STK39: variants seen among roughly 807,000 people sequenced by gnomAD.
STK39 encodes serine/threonine kinase 39.
Under a neutral mutation model 77.8 loss-of-function variants are expected in STK39, and 20 were observed. The ratio of observed to expected loss-of-function variants is 0.26; its 90% CI spans 0.18 to 0.37. The LOEUF (loss-of-function observed/expected upper bound fraction) is 0.37. STK39 is among the 10% of genes least tolerant of loss of function. The pLI is 1.00. For missense variants in STK39, 479 were observed against 656.5 expected, an observed-to-expected ratio of 0.73 and a Z score of 2.95; for synonymous variants, 246 against 234.1, an observed-to-expected ratio of 1.05 and a Z score of -0.47.
At chr2:168,164,613 C>T (rs898441360) in intron 3 of STK39, among the ~76,000 whole-genome samples, 3 of 151,758 alleles carry the variant, frequency 2.0e-5, no homozygotes, top group African/African-American at 7.3e-5. Context: ...TACCACGTTG[C>T]CCATGCCGGT....
At chr2:168,027,294 T>TC (rs1475028968) in intron 14 of STK39, among the ~76,000 whole-genome samples, 1 of 152,080 alleles carries the variant, frequency 6.6e-6, no homozygotes, top group Non-Finnish European at 1.5e-5. Flanking sequence ...CCACATACTT[T>TC]CCCCTCCCCT....
At chr2:168,025,436 C>T (rs970740044) in intron 14 of STK39, among the ~76,000 whole-genome samples, 4 of 152,156 alleles carry the variant, frequency 2.6e-5, no homozygotes, top group Non-Finnish European at 5.9e-5. Context: ...TAAGAGTTCT[C>T]GTATCATCCG....
At chr2:168,169,658 G>GTGTA (rs1424133272) in intron 2 of STK39, among the ~76,000 whole-genome samples, 5 of 151,596 alleles carry the variant, frequency 3.3e-5, no homozygotes, top group Non-Finnish European at 7.4e-5. Context: ...GTGTGTGTGT[G>GTGTA]TGTAACTCCT....
At chr2:168,083,717 G>A (rs1686298486) in intron 10 of STK39, among the ~76,000 whole-genome samples, 1 of 151,974 alleles carries the variant, frequency 6.6e-6, no homozygotes, top group African/African-American at 2.4e-5. Context: ...CAAGATACTG[G>A]GATCTAGGGG....
At chr2:168,078,788 C>G (rs1179375882) in intron 10 of STK39, among the ~76,000 whole-genome samples, 3 of 151,944 alleles carry the variant, frequency 2.0e-5, no homozygotes, top group Non-Finnish European at 4.4e-5. Flanking sequence ...TCTCCCACTG[C>G]CACATTAACT....
intron 16 of STK39, among the ~76,000 whole-genome samples, chr2:167,997,811 C>T (rs1386898097): frequency 6.6e-6 from 1 of 152,126 alleles, no homozygotes; most frequent in African/African-American, 2.4e-5. Context: ...AATCTGAAAA[C>T]AGTGATTTAA....
chr2:168,060,017 AATGT>A (rs1371423564), intron 14 of STK39, among the ~76,000 whole-genome samples: 1 of 152,170 alleles, frequency 6.6e-6, no homozygotes, highest in African/African-American at 2.4e-5. Context: ...AGAATGAATG[AATGT>A]ATTTACCATT....
At chr2:168,128,446 C>T (rs1053010950) in intron 10 of STK39, among the ~76,000 whole-genome samples, 5 of 152,146 alleles carry the variant, frequency 3.3e-5, no homozygotes, top group East Asian at 1.9e-4. Flanking sequence ...GTCTGCTCAG[C>T]GCTCCCTGTC....
rs1688715594 is a variant in STK39, at chr2:168,167,321, C to G, written c.408G>C (p.Leu136=). The G allele has an allele frequency of 6.2e-7, 1 of 1,613,562 alleles. No homozygotes were observed. Among genetic ancestry groups the G allele is most frequent in the African/African-American group, 1.3e-5 (1 of 75,006 alleles). Residue 136 remains leucine (L), a synonymous_variant, in exon 3 of 18, where the codon CTG becomes CTC. Coordinates refer to ENST00000355999, the MANE Select transcript of STK39 (RefSeq NM_013233.3). ...TACCTCCACTTAGTAATTTCATGAC[C>G]AGCCAAAGTTCATCTTTGACCACAA... is the stretch of plus-strand genomic sequence containing the variant. ...TSFVVKDELW[L]VMKLLSGGSM... is the part of the protein sequence containing the mutation.
intron 1 of STK39, among the ~76,000 whole-genome samples, chr2:168,233,259 G>A (rs534994941): frequency 5.3e-5 from 8 of 152,172 alleles, no homozygotes; most frequent in Non-Finnish European, 1.2e-4. Context: ...TTAAGGTCAG[G>A]CACTGGGTTT....
At chr2:168,085,883 T>C (rs1335753200) in intron 10 of STK39, among the ~76,000 whole-genome samples, 2 of 152,202 alleles carry the variant, frequency 1.3e-5, no homozygotes, top group Non-Finnish European at 2.9e-5. Context: ...ACATCTATCT[T>C]GCTCACTGGA....
chr2:168,026,388 A>C (rs1161532907), intron 14 of STK39, among the ~76,000 whole-genome samples: 1 of 152,204 alleles, frequency 6.6e-6, no homozygotes, highest in Non-Finnish European at 1.5e-5. Context: ...AAGAGGCCTT[A>C]GAGGTCACCT....
chr2:168,223,372 T>TGTG lies in STK39; in HGVS notation c.208+23853_208+23855dup, dbSNP rs1690223440. ...TAAAAATACTAAAAAATTAGCCGGGTGTGGTGGCACGTGACTGTAATCCCA... is the reference window on the plus strand; with the variant it reads ...TAAAAATACTAAAAAATTAGCCGGGTGTGGTGGTGGCACGTGACTGTAATCCCA... On this transcript the variant is annotated intron_variant, in intron 1 of 17. Coordinates refer to ENST00000355999, the MANE Select transcript of STK39 (RefSeq NM_013233.3). Among the ~76,000 whole-genome samples, 9 of 151,456 alleles carry TGTG rather than the reference T, an allele frequency of 5.9e-5. 1 individual carries two copies. Among genetic ancestry groups the TGTG allele is most frequent in the Admixed American group, 5.9e-4 (9 of 15,216 alleles).
chr2:168,148,180 A>G lies in STK39; in HGVS notation c.629-7422T>C, dbSNP rs183820229. Among the ~76,000 whole-genome samples, 6 of 152,324 alleles carry G rather than the reference A, an allele frequency of 3.9e-5. No individual in the cohort carries two copies. In the East Asian group the frequency reaches 1.2e-3, roughly 29 times the overall value. On this transcript the variant is annotated intron_variant, in intron 5 of 17. Transcript: ENST00000355999. ...TTTCGCTCCCTTAACTGACCAAATCACCATTTCTGCTTTAAGTTTATGTAT... is the reference window on the plus strand; with the variant it reads ...TTTCGCTCCCTTAACTGACCAAATCGCCATTTCTGCTTTAAGTTTATGTAT...
At chr2:168,146,033 C>A (rs996489057) in intron 5 of STK39, among the ~76,000 whole-genome samples, 5 of 152,290 alleles carry the variant, frequency 3.3e-5, no homozygotes, top group Admixed American at 1.3e-4. Context: ...ATAAAACAAT[C>A]CAGTCCAGTC....
At chr2:168,224,744 C>T (rs1009735883) in intron 1 of STK39, among the ~76,000 whole-genome samples, 10 of 152,274 alleles carry the variant, frequency 6.6e-5, no homozygotes, top group Middle Eastern at 3.4e-3. Context: ...GAGATTAAAA[C>T]GCAGATTCAA....
intron 10 of STK39, among the ~76,000 whole-genome samples, chr2:168,115,575 G>T (rs1687236920): frequency 6.6e-6 from 1 of 152,110 alleles, no homozygotes; most frequent in Admixed American, 6.5e-5. Flanking sequence ...AGAAAAAATT[G>T]ATTCTTAATT....
At chr2:168,040,468 T>G (rs1038284047) in intron 14 of STK39, among the ~76,000 whole-genome samples, 5 of 152,206 alleles carry the variant, frequency 3.3e-5, no homozygotes, top group African/African-American at 1.2e-4. Context: ...AGTGTAATCT[T>G]CTTCATGTGG....
intron 1 of STK39, among the ~76,000 whole-genome samples, chr2:168,214,569 G>A (rs1003087932): frequency 6.6e-6 from 1 of 152,160 alleles, no homozygotes; most frequent in Non-Finnish European, 1.5e-5. Flanking sequence ...GTTAAACAAC[G>A]TCGTGAATGT....
Sources: gnomAD v4.1 joint callset for allele counts (sites outside exome capture counted in the v4.1 genomes callset) on GRCh38, gnomAD v4.1.1 for gene constraint, MANE v1.5 for transcripts, NCBI Gene and HGNC (gene_info 2026-07-23, HGNC 2026-07-21) for gene names.